The following SVIL variants were observed in gnomAD, a reference collection of about 807,000 sequenced individuals.
SVIL encodes supervillin, also known as archvillin.
Under a neutral mutation model 240.4 loss-of-function variants are expected in SVIL, and 101 were observed. The observed-to-expected ratio is 0.42, with a 90% CI of 0.36 to 0.50. The LOEUF is 0.50. Among genes scored for constraint, SVIL ranks in the 20% least tolerant of loss-of-function variants. The pLI is 0.01. For synonymous variants in SVIL, 999 were observed against 1,100.0 expected, an observed-to-expected ratio of 0.91 and a Z score of 1.82; for missense variants, 2,512 against 2,818.7, an observed-to-expected ratio of 0.89 and a Z score of 2.46.
chr10:29,519,173 G>T (rs1392904354), intron 16 of SVIL, among the ~76,000 whole-genome samples: 2 of 152,164 alleles, frequency 1.3e-5, no homozygotes, highest in Non-Finnish European at 2.9e-5. Context: ...AAGAAAGAAG[G>T]TGTGTCTTTC....
intron 28 of SVIL, among the ~76,000 whole-genome samples, chr10:29,481,162 GTGTGTT>G (rs1056935753): frequency 1.9e-4 from 28 of 150,508 alleles, no homozygotes; most frequent in African/African-American, 6.7e-4. Context: ...GTGTGTGTGT[GTGTGTT>G]TGTTTGTGTG....
At chr10:29,462,095 T>C (rs1944325872) in intron 36 of SVIL, among the ~76,000 whole-genome samples, 182 bp downstream of exon 36, 1 of 152,252 alleles carries the variant, frequency 6.6e-6, no homozygotes, top group African/African-American at 2.4e-5. Context: ...AAATAGTTAA[T>C]TGATTTTCCA....
chr10:29,575,369 T>A, intron 1 of SVIL: 1 of 216,900 alleles, frequency 4.6e-6, no homozygotes, highest in Non-Finnish European at 9.9e-6. Context: ...TTAGTAGGAT[T>A]ACACTGAGGC....
At chr10:29,670,236 T>C (rs1441613986) in intron 2 of SVIL, among the ~76,000 whole-genome samples, 1 of 152,236 alleles carries the variant, frequency 6.6e-6, no homozygotes, top group African/African-American at 2.4e-5. Flanking sequence ...TTTAATCTTG[T>C]AATAGCATCT....
intron 1 of SVIL, among the ~76,000 whole-genome samples, chr10:29,586,133 C>T (rs4749465): frequency 0.095 from 14,416 of 152,200 alleles, 751 homozygotes; most frequent in Admixed American, 0.13. Flanking sequence ...AAACGGTCCC[C>T]GTGGATGCTC....
intron 1 of SVIL, among the ~76,000 whole-genome samples, chr10:29,584,021 C>T (rs1288834481): frequency 6.6e-6 from 1 of 152,116 alleles, no homozygotes; most frequent in Non-Finnish European, 1.5e-5. Context: ...TGATATAAAG[C>T]CTGGGAAGAA....
At chr10:29,476,510 C>T (rs1946211302) in intron 29 of SVIL, among the ~76,000 whole-genome samples, 1 of 152,238 alleles carries the variant, frequency 6.6e-6, no homozygotes, top group East Asian at 1.9e-4. Flanking sequence ...TCAAGTGATC[C>T]TCCTGCCTTG....
intron 1 of SVIL, among the ~76,000 whole-genome samples, chr10:29,585,897 G>C (rs934626233): frequency 6.6e-6 from 1 of 152,256 alleles, no homozygotes; most frequent in Admixed American, 6.5e-5. Flanking sequence ...GAGCCAGAGC[G>C]CTCTGAGCGC....
chr10:29,678,285 C>G (rs1465522974), intron 2 of SVIL, among the ~76,000 whole-genome samples: 1 of 151,738 alleles, frequency 6.6e-6, no homozygotes, highest in Non-Finnish European at 1.5e-5. Flanking sequence ...ACTAGATAGT[C>G]CCATCTAAGG....
chr10:29,650,157 C>A (rs1274557185), intron 3 of SVIL, among the ~76,000 whole-genome samples: 1 of 152,190 alleles, frequency 6.6e-6, no homozygotes. Flanking sequence ...ATGATGTTTG[C>A]TCAAAACATT....
chr10:29,476,740 G>C (rs1946237857), intron 29 of SVIL, among the ~76,000 whole-genome samples: 1 of 152,154 alleles, frequency 6.6e-6, no homozygotes, highest in African/African-American at 2.4e-5. Context: ...CATTTCACTA[G>C]TTTTCTTTAC....
chr10:29,533,189 C>T lies in SVIL; in HGVS notation c.1178G>A (p.Trp393Ter). 1 of 1,614,164 alleles carries T rather than the reference C, an allele frequency of 6.2e-7. No homozygotes were observed. The highest frequency in any genetic ancestry group is 8.5e-7 in the Non-Finnish European group (1 of 1,180,034). Residue 393 changes from tryptophan (W) to a stop codon, truncating the protein, a stop_gained, in exon 8 of 38, where the codon TGG becomes TAG. Coordinates refer to ENST00000355867, the MANE Select transcript of SVIL (RefSeq NM_021738.3). LOFTEE classifies it high-confidence loss of function. ...ETPENASECS[W>*]VASATQNVPK... is the part of the protein sequence containing the mutation. ...GACATTCTGGGTGGCTGATGCTACC[C>T]AGCTACACTCAGATGCATTTTCTGG... is the stretch of plus-strand genomic sequence containing the variant.
In SVIL at chr10:29,611,869, T is replaced by C. The variant is rs542590198; in HGVS notation, c.-201+22551A>G. Among the ~76,000 whole-genome samples the C allele has an allele frequency of 5.9e-5, 9 of 152,096 alleles. No homozygotes were observed. The South Asian group carries it at 6.2e-4, about 11-fold the overall frequency. ...CAGCTTAAAGGCTTAAGACTGCAGATGGGTATTATTAGAAAATGGGGCCAC... is the reference window on the plus strand; with the variant it reads ...CAGCTTAAAGGCTTAAGACTGCAGACGGGTATTATTAGAAAATGGGGCCAC... On this transcript the variant is annotated intron_variant, in intron 1 of 37. Transcript: ENST00000355867.
chr10:29,468,827 A>T (rs780423363), intron 32 of SVIL: 1 of 152,064 alleles, frequency 6.6e-6, no homozygotes. Flanking sequence ...CTAGGGAGGG[A>T]TGTTTAATCA....
At chr10:29,473,122 G>A (rs1040709414) in intron 30 of SVIL, among the ~76,000 whole-genome samples, 32 of 152,068 alleles carry the variant, frequency 2.1e-4, no homozygotes, top group African/African-American at 7.7e-4. Context: ...AGTGGCCTGG[G>A]TGGAGGGGAG....
chr10:29,523,116 T>A (rs2132531787), intron 15 of SVIL, among the ~76,000 whole-genome samples: 1 of 152,232 alleles, frequency 6.6e-6, no homozygotes, highest in African/African-American at 2.4e-5. Flanking sequence ...CTTTCCTGAA[T>A]TCCTTGTGCT....
At chr10:29,474,192 C>T (rs1250089037) in intron 29 of SVIL, among the ~76,000 whole-genome samples, 1 of 152,194 alleles carries the variant, frequency 6.6e-6, no homozygotes, top group African/African-American at 2.4e-5. Flanking sequence ...CAGCTCCTGA[C>T]CCAGAACTTC....
intron 13 of SVIL, 115 bp downstream of exon 13, chr10:29,526,846 A>T: frequency 1.1e-6 from 1 of 876,742 alleles, no homozygotes; most frequent in Non-Finnish European, 1.7e-6. Flanking sequence ...TTCTGGAACA[A>T]CTCACGGCAT....
chr10:29,482,174 G>GT (rs1417379827), intron 27 of SVIL, among the ~76,000 whole-genome samples: 1 of 152,040 alleles, frequency 6.6e-6, no homozygotes, highest in African/African-American at 2.4e-5. Context: ...AACTGCAGGT[G>GT]TGTGCCACCA....
Sources: gnomAD v4.1 joint callset for allele counts (sites outside exome capture counted in the v4.1 genomes callset) on GRCh38, gnomAD v4.1.1 for gene constraint, MANE v1.5 for transcripts, NCBI Gene and HGNC (gene_info 2026-07-23, HGNC 2026-07-21) for gene names.